MAPK10: variants seen among roughly 807,000 people sequenced by gnomAD.
MAPK10 encodes the protein mitogen-activated protein kinase 10.
Under a neutral mutation model 59.3 loss-of-function variants are expected in MAPK10, and 25 were observed. The observed-to-expected ratio is 0.42, with a 90% CI of 0.31 to 0.59. MAPK10 has a LOEUF of 0.59. Among genes scored for constraint, MAPK10 ranks in the 20% least tolerant of loss-of-function variants. MAPK10 has a pLI of 0.15. For synonymous variants in MAPK10, 190 were observed against 200.5 expected, an observed-to-expected ratio of 0.95 and a Z score of 0.44; for missense variants, 351 against 568.9, an observed-to-expected ratio of 0.62 and a Z score of 3.90.
chr4:86,025,286 A>G (rs1235718832), intron 13 of MAPK10: 7 of 382,226 alleles, frequency 1.8e-5, no homozygotes, highest in Non-Finnish European at 3.2e-5. Flanking sequence ...TTAGATGAAA[A>G]CTATTTGCTT....
chr4:86,518,501 CTCT>C (rs1756872061), intron 1 of MAPK10, among the ~76,000 whole-genome samples: 2 of 152,118 alleles, frequency 1.3e-5, no homozygotes, highest in South Asian at 4.1e-4. Context: ...TGGATCTTCT[CTCT>C]TCTTTTCTTG....
chr4:86,071,812 A>T (rs2048050985), intron 9 of MAPK10, among the ~76,000 whole-genome samples: 7 of 149,684 alleles, frequency 4.7e-5, no homozygotes, highest in Admixed American at 4.7e-4. Context: ...GTATAGTTTG[A>T]AGTCAGGTAG....
intron 4 of MAPK10, among the ~76,000 whole-genome samples, chr4:86,134,007 G>A (rs1240247110): frequency 6.6e-6 from 1 of 152,136 alleles, no homozygotes; most frequent in Non-Finnish European, 1.5e-5. Flanking sequence ...ATGTTCATCT[G>A]GCCATCTTTT....
chr4:86,250,428 A>C (rs1484822321), intron 2 of MAPK10, among the ~76,000 whole-genome samples: 3 of 152,186 alleles, frequency 2.0e-5, no homozygotes, highest in Non-Finnish European at 4.4e-5. Context: ...CTACATCCTC[A>C]AATTAAGCAT....
chr4:86,492,671 A>T (rs967274684), intron 1 of MAPK10, among the ~76,000 whole-genome samples: 11 of 152,248 alleles, frequency 7.2e-5, no homozygotes, highest in Non-Finnish European at 1.6e-4. Flanking sequence ...TTCTGGGAGC[A>T]TAGCAGGTGC....
chr4:86,184,910 T>C (rs1038950115), intron 3 of MAPK10, among the ~76,000 whole-genome samples: 1 of 152,156 alleles, frequency 6.6e-6, no homozygotes, highest in African/African-American at 2.4e-5. Context: ...ACCGACCCTA[T>C]GTCAGATACT....
rs1306924632 is a variant in MAPK10 at position 86,215,925 on chromosome 4, C to CA, written c.-6-21519dup. The stretch of plus-strand genomic sequence containing the variant: ...ACATCCATTGGGATGGCTATTATTT[C>CA]AAAAAAAATTAAAAACCAAACAATC... On this transcript the variant is annotated intron_variant, in intron 2 of 13. Coordinates refer to ENST00000641462, the MANE Select transcript of MAPK10 (RefSeq NM_138982.4). Among the ~76,000 whole-genome samples, 7 of 151,730 alleles carry CA rather than the reference C, an allele frequency of 4.6e-5. No individual in the cohort carries two copies. The East Asian group carries it at 7.7e-4, about 17-fold the overall frequency.
rs190535435 is a variant in MAPK10 at position 86,270,666 on chromosome 4, A to G, written c.-6-76259T>C. On this transcript the variant is annotated intron_variant, in intron 2 of 13. Transcript: ENST00000641462. ...AGATGTTAACCCAGAAAATTCCCAAATATCCATTCTAGGCCATCCCCACAC... is the reference window on the plus strand; with the variant it reads ...AGATGTTAACCCAGAAAATTCCCAAGTATCCATTCTAGGCCATCCCCACAC... 5.8e-3 allele frequency among the ~76,000 whole-genome samples: 882 copies of G among 152,088 alleles called. 8 individuals carry two copies. The highest frequency in any genetic ancestry group is 0.02 in the African/African-American group (830 of 41,514).
chr4:86,178,530 G>A (rs2149276289), intron 3 of MAPK10, among the ~76,000 whole-genome samples: 1 of 152,134 alleles, frequency 6.6e-6, no homozygotes, highest in South Asian at 2.1e-4. Flanking sequence ...TAGGTACTCA[G>A]TAAGATGTCT....
intron 2 of MAPK10, among the ~76,000 whole-genome samples, chr4:86,278,444 G>C (rs899153846): frequency 6.6e-6 from 1 of 152,100 alleles, no homozygotes; most frequent in Non-Finnish European, 1.5e-5. Flanking sequence ...AAGGAAATAT[G>C]TTCTGAATCA....
chr4:86,552,946 G>A (rs1055859584), intron 1 of MAPK10, among the ~76,000 whole-genome samples: 7 of 152,118 alleles, frequency 4.6e-5, no homozygotes, highest in African/African-American at 9.7e-5. Context: ...GGGCATGAAC[G>A]GTATGAACAC....
intron 1 of MAPK10, among the ~76,000 whole-genome samples, chr4:86,484,323 T>C (rs1429086759): frequency 3.9e-5 from 6 of 152,352 alleles, no homozygotes; most frequent in South Asian, 4.1e-4. Flanking sequence ...ATTTTGCAGA[T>C]AACTGATGCT....
At chr4:86,526,837 A>G (rs560256886) in intron 1 of MAPK10, among the ~76,000 whole-genome samples, 1 of 152,324 alleles carries the variant, frequency 6.6e-6, no homozygotes, top group East Asian at 1.9e-4. Context: ...TTCAGAAGCA[A>G]ATTGTTTAAT....
chr4:86,166,233 T>G (rs1562551012), intron 3 of MAPK10, among the ~76,000 whole-genome samples: 1 of 152,176 alleles, frequency 6.6e-6, no homozygotes, highest in Non-Finnish European at 1.5e-5. Context: ...TAGCAAAGGG[T>G]AAAAATGCAG....
intron 2 of MAPK10, among the ~76,000 whole-genome samples, chr4:86,199,218 T>C (rs75880164): frequency 0.085 from 12,850 of 151,910 alleles, 1,184 homozygotes; most frequent in African/African-American, 0.23. Context: ...CCAGTATACA[T>C]GTACAAGAAA....
At position 86,321,577 on chromosome 4, in the gene MAPK10, G is replaced by A. The variant is rs1322273097; in HGVS notation, c.-7+32953C>T. Among the ~76,000 whole-genome samples the A allele has an allele frequency of 3.3e-5, 4 of 122,804 alleles. No homozygotes were observed. The East Asian group carries it at 1.0e-3, about 31-fold the overall frequency. 80.6% of individuals were successfully genotyped at this position (122,804 alleles called of 152,430 possible). On this transcript the variant is annotated intron_variant, in intron 2 of 13. Coordinates refer to ENST00000641462, the MANE Select transcript of MAPK10 (RefSeq NM_138982.4). ...AGGAAGGGGAACATCACACTCTGGG[G>A]ACTGTTGTGGGGTGGGGGGAGGGGG...
chr4:86,068,759 T>A (rs1456806602), intron 9 of MAPK10, among the ~76,000 whole-genome samples: 1 of 152,158 alleles, frequency 6.6e-6, no homozygotes, highest in Admixed American at 6.5e-5. Flanking sequence ...CCTTTTAAAT[T>A]GGAGCTAGCT....
In MAPK10 at chr4:86,505,365, T is replaced by A. The variant is rs556983608; in HGVS notation, c.-263+88545A>T. Among the ~76,000 whole-genome samples, 103 of 152,116 alleles carry A rather than the reference T, an allele frequency of 6.8e-4. No homozygotes were observed. In the East Asian group the frequency reaches 0.016, roughly 24 times the overall value. ...GTGGCTCACACCTATAATCTCAACA[T>A]TTTGGGAGGCCAAGGCAGGAGGATT... On this transcript the variant is annotated intron_variant, in intron 1 of 4. Coordinates refer to the MAPK10 transcript ENST00000502302.
In MAPK10 at chr4:86,012,547, T is replaced by C. The variant is rs969344982; in HGVS notation, c.*4681A>G. ...TCCATAAGAAACAGAAATCATAATA[T>C]ATTGACTCCATATTACCTAAAAAGA... On this transcript the variant is annotated 3_prime_UTR_variant, in exon 14 of 14. Transcript: ENST00000641462. The C allele has an allele frequency of 6.6e-6, 1 of 152,184 alleles. No individual in the cohort carries two copies. Among genetic ancestry groups the C allele is most frequent in the African/African-American group, 2.4e-5 (1 of 41,438 alleles). 9.4% of individuals were successfully genotyped at this position (152,184 alleles called of 1,614,324 possible).
Sources: allele counts gnomAD v4.1 joint callset (sites outside exome capture counted in the v4.1 genomes callset), GRCh38; gene constraint gnomAD v4.1.1; transcripts MANE v1.5; gene names NCBI Gene and HGNC (gene_info 2026-07-23, HGNC 2026-07-21).